The following DNAJC6 variants were observed in gnomAD, a reference collection of about 807,000 sequenced individuals.
The protein encoded by DNAJC6 is DnaJ heat shock protein family (Hsp40) member C6, also known as auxilin.
DNAJC6 carries 34 observed loss-of-function variants against 110.0 expected under a neutral mutation model. That is an observed-to-expected ratio of 0.31 (90% CI 0.24 to 0.41). DNAJC6 has a LOEUF of 0.41. Among genes scored for constraint, DNAJC6 ranks in the 10% least tolerant of loss-of-function variants. The pLI is 1.00. For missense variants in DNAJC6, 1,031 were observed against 1,207.8 expected, an observed-to-expected ratio of 0.85 and a Z score of 2.17; for synonymous variants, 406 against 437.2, an observed-to-expected ratio of 0.93 and a Z score of 0.89.
chr1:65,306,555 G>A (rs1407822847), upstream of DNAJC6: 3 of 152,216 alleles, frequency 2.0e-5, no homozygotes, highest in Non-Finnish European at 2.9e-5. Flanking sequence ...ATTCCTCAGT[G>A]TCACTAATCT....
At chr1:65,314,403 T>C (rs1014959565) in intron 1 of DNAJC6, among the ~76,000 whole-genome samples, 1 of 152,182 alleles carries the variant, frequency 6.6e-6, no homozygotes, top group African/African-American at 2.4e-5. Flanking sequence ...TAAACATATA[T>C]GTACTAATAA....
intron 1 of DNAJC6, among the ~76,000 whole-genome samples, chr1:65,355,091 C>A (rs895164768): frequency 1.3e-5 from 2 of 151,710 alleles, no homozygotes; most frequent in Non-Finnish European, 2.9e-5. Context: ...ATGGCGAAAC[C>A]CCGTTGCTGC....
intron 1 of DNAJC6, among the ~76,000 whole-genome samples, chr1:65,350,335 TTTC>T (rs1369000771): frequency 3.3e-5 from 5 of 152,214 alleles, no homozygotes; most frequent in African/African-American, 4.8e-5. Context: ...ATTCTGCTAT[TTTC>T]TTCTTCTTTT....
intron 6 of DNAJC6, among the ~76,000 whole-genome samples, chr1:65,385,095 T>A (rs1488526819): frequency 1.3e-5 from 2 of 152,170 alleles, no homozygotes; most frequent in Admixed American, 6.5e-5. Context: ...AAAACAGCAG[T>A]AGCTGGTTAT....
chr1:65,306,814 T>C (rs570114882), upstream of DNAJC6, among the ~76,000 whole-genome samples: 1 of 152,246 alleles, frequency 6.6e-6, no homozygotes, highest in African/African-American at 2.4e-5. Context: ...CAATTTTCCA[T>C]TAGGATATCC....
intron 1 of DNAJC6, among the ~76,000 whole-genome samples, chr1:65,317,079 C>T (rs190488389): frequency 1.4e-3 from 210 of 152,158 alleles, no homozygotes; most frequent in Non-Finnish European, 2.4e-3. Flanking sequence ...ATTAAAAGTT[C>T]TTTGTATCAT....
rs1241972426 is a variant in DNAJC6, at chr1:65,309,927, T to C, written c.182T>C (p.Met61Thr). ...CAGCCTCCGGACCGCGCCAGCACCA[T>C]GGACAGCTCAGGTAGCGCTGCCCGA... Reference protein sequence around the residue: ...ARQPPDRASTMDSSGASSPDM... With the variant: ...ARQPPDRASTTDSSGASSPDM... The change falls in exon 1 of 19, where the codon ATG becomes ACG. Residue 61 changes from methionine to threonine, a missense_variant. Met to Thr is a moderately conservative substitution (Grantham distance 81). Transcript: ENST00000371069. The C allele has an allele frequency of 5.3e-6, 8 of 1,503,516 alleles. No individual in the cohort carries two copies. In the Admixed American group the frequency reaches 6.5e-5, roughly 12 times the overall value. The allele number at this position is 1,503,516 out of a possible 1,614,324, so 93.1% of individuals were successfully genotyped here.
At chr1:65,385,100 G>A (rs1645858676) in intron 6 of DNAJC6, among the ~76,000 whole-genome samples, 1 of 152,070 alleles carries the variant, frequency 6.6e-6, no homozygotes, top group Admixed American at 6.6e-5. Context: ...AGCAGTAGCT[G>A]GTTATACTTA....
At chr1:65,334,182 A>G (rs1053801451) in intron 1 of DNAJC6, among the ~76,000 whole-genome samples, 4 of 152,268 alleles carry the variant, frequency 2.6e-5, no homozygotes, top group African/African-American at 4.8e-5. Context: ...CTGCAAGTAT[A>G]ACATGTAACC....
intron 1 of DNAJC6, among the ~76,000 whole-genome samples, chr1:65,325,672 ACT>A (rs1467132454): frequency 6.6e-6 from 1 of 152,218 alleles, no homozygotes; most frequent in Non-Finnish European, 1.5e-5. Context: ...CCTTAGCCAG[ACT>A]CTGAGTATAT....
intron 1 of DNAJC6, among the ~76,000 whole-genome samples, chr1:65,353,201 C>T (rs1645508564): frequency 6.6e-6 from 1 of 152,108 alleles, no homozygotes; most frequent in African/African-American, 2.4e-5. Context: ...ATTGATGGCC[C>T]CTCACTTTCT....
intron 6 of DNAJC6, among the ~76,000 whole-genome samples, chr1:65,384,594 C>T (rs941173706): frequency 3.3e-5 from 5 of 152,104 alleles, no homozygotes; most frequent in East Asian, 1.9e-4. Context: ...TACATGGTGG[C>T]GGGGAAGAGA....
At chr1:65,389,477 T>G (rs1645903714) in intron 10 of DNAJC6, 28 bp downstream of exon 10, 1 of 1,613,612 alleles carries the variant, frequency 6.2e-7, no homozygotes, top group Non-Finnish European at 8.5e-7. Flanking sequence ...GTTTTGTTTT[T>G]CAGGATGAAG....
intron 1 of DNAJC6, among the ~76,000 whole-genome samples, chr1:65,311,692 C>A (rs1428919456): frequency 6.6e-6 from 1 of 152,084 alleles, no homozygotes; most frequent in Admixed American, 6.5e-5. Context: ...ATGTAGTGAG[C>A]ATGTAAACAA....
intron 1 of DNAJC6, among the ~76,000 whole-genome samples, chr1:65,340,102 G>A (rs1406550776): frequency 1.3e-5 from 2 of 152,228 alleles, no homozygotes; most frequent in Non-Finnish European, 2.9e-5. Flanking sequence ...TTTGTCCAGA[G>A]AAGGAAAGCC....
intron 1 of DNAJC6, chr1:65,345,750 AT>A: frequency 1.1e-6 from 1 of 884,466 alleles, no homozygotes; most frequent in Non-Finnish European, 1.4e-6. Context: ...GGCCTTTGGG[AT>A]TTAGCCCATG....
chr1:65,414,046 A>G lies in DNAJC6; in HGVS notation c.*1021A>G, dbSNP rs1394859898. 2 of 152,290 alleles carry G rather than the reference A, an allele frequency of 1.3e-5. No homozygotes were observed. Among genetic ancestry groups the G allele is most frequent in the Admixed American group, 1.3e-4 (2 of 15,286 alleles). The allele number at this position is 152,290 out of a possible 1,614,324, so 9.4% of individuals were successfully genotyped here. On this transcript the variant is annotated 3_prime_UTR_variant, in exon 19 of 19. Transcript: ENST00000371069. ...GGAGTTAAGGGAATGGCACGATCAC[A>G]GTGAGAGAGCTGCACTCACCTGCAG...
intron 5 of DNAJC6, among the ~76,000 whole-genome samples, chr1:65,380,250 A>G (rs567867378): frequency 6.6e-6 from 1 of 152,380 alleles, no homozygotes; most frequent in East Asian, 1.9e-4. Context: ...TACTGCAGGC[A>G]TAAAAGGCTT....
At chr1:65,334,270 T>C (rs940126105) in intron 1 of DNAJC6, among the ~76,000 whole-genome samples, 2 of 152,216 alleles carry the variant, frequency 1.3e-5, no homozygotes, top group African/African-American at 4.8e-5. Context: ...TGGTGAATAA[T>C]GTGAGGTCTT....
Sources: gnomAD v4.1 joint callset for allele counts (sites outside exome capture counted in the v4.1 genomes callset) on GRCh38, gnomAD v4.1.1 for gene constraint, MANE v1.5 for transcripts, NCBI Gene and HGNC (gene_info 2026-07-23, HGNC 2026-07-21) for gene names.